The following ZNF711 variants were observed in gnomAD, a reference collection of about 807,000 sequenced individuals.
The protein encoded by ZNF711 is zinc finger protein 711.
Under a neutral mutation model 43.5 loss-of-function variants are expected in ZNF711, and 3 were observed. The ratio of observed to expected loss-of-function variants is 0.07; its 90% CI spans 0.03 to 0.18. ZNF711 has a LOEUF of 0.18. ZNF711 is among the 10% of genes least tolerant of loss of function. The probability of loss-of-function intolerance (pLI) is 1.00; values close to 1 mark genes in which losing one functional copy is unlikely to be tolerated. For missense variants in ZNF711, 412 were observed against 604.0 expected, an observed-to-expected ratio of 0.68 and a Z score of 3.33; for synonymous variants, 209 against 207.7, an observed-to-expected ratio of 1.01 and a Z score of -0.06.
Position 85,270,866 on chromosome X carries a change from G to T in ZNF711, c.1462G>T (p.Val488Phe). The change falls in exon 11 of 11, where the codon GTC (valine) becomes TTC (phenylalanine). Residue 488 changes from valine to phenylalanine, a missense_variant. Coordinates refer to ENST00000674551, the MANE Select transcript of ZNF711 (RefSeq NM_001330574.2). ...AGAAAGCCATAAGCTCATAAACAAA[G>T]TCGACAAAACCCATGAATTTACAGA... ...HLESHKLINK[V>F]DKTHEFTEYT... The T allele has an allele frequency of 8.3e-7, 1 of 1,208,531 alleles. No homozygotes were observed. Among genetic ancestry groups the T allele is most frequent in the Non-Finnish European group, 1.1e-6 (1 of 893,897 alleles).
At chrX:85,267,182 T>C in intron 7 of ZNF711, 96 bp from the exon 8 acceptor site, 2 of 743,474 alleles carry the variant, frequency 2.7e-6, no homozygotes, top group Non-Finnish European at 3.5e-6. Flanking sequence ...TTAACCAAAC[T>C]GAAATTTGAA....
intron 5 of ZNF711, among the ~76,000 whole-genome samples, chrX:85,257,021 A>C (rs1286935771): frequency 1.8e-5 from 2 of 111,464 alleles, no homozygotes; most frequent in Admixed American, 1.9e-4. Flanking sequence ...ACTGATATTA[A>C]AGTAGTGCAA....
chrX:85,264,277 G>A lies in ZNF711; in HGVS notation c.625G>A (p.Asp209Asn). The A allele has an allele frequency of 8.4e-7, 1 of 1,194,057 alleles. No individual in the cohort carries two copies. Among genetic ancestry groups the A allele is most frequent in the South Asian group, 1.8e-5 (1 of 56,188 alleles). The change falls in exon 6 of 11, where the codon GAT (aspartate) becomes AAT (asparagine). Residue 209 changes from aspartate (D) to asparagine (N), a missense_variant and splice_region_variant. Around this residue, in one of 4 missense-constraint regions of ZNF711, gnomAD observed 375 missense variants for 514.2 expected, o/e 0.73. Transcript: ENST00000674551. The part of the protein sequence containing the change: ...TSEDYLMISL[D>N]DVGEKLEHMG... The stretch of plus-strand genomic sequence containing the variant: ...ATAATTTTGTTTATATTTTATAGTG[G>A]ATGATGTTGGAGAAAAATTAGAGCA...
At chrX:85,245,300 ACTTGAGACGTAC>A (rs1928937730) in intron 1 of ZNF711, among the ~76,000 whole-genome samples, 1 of 112,279 alleles carries the variant, frequency 8.9e-6, no homozygotes, top group Admixed American at 9.4e-5. Context: ...AAAGATGTTT[ACTTGAGACGTAC>A]TTGGTGGGTT....
In ZNF711 at chrX:85,271,907, C is replaced by T; in HGVS notation, c.*79C>T. ...AGAAAACTCTCACTAACTGTCTCAC[C>T]GGGTTTCAAAGCTTGATACTAAACC... On this transcript the variant is annotated 3_prime_UTR_variant, in exon 11 of 11. Transcript: ENST00000674551. 7.2e-6 allele frequency: 6 copies of T among 833,112 alleles called. No homozygotes were observed. Among genetic ancestry groups the T allele is most frequent in the Middle Eastern group, 3.4e-4 (1 of 2,916 alleles). 68.7% of individuals were successfully genotyped at this position (833,112 alleles called of 1,213,427 possible).
intron 4 of ZNF711, among the ~76,000 whole-genome samples, chrX:85,253,888 A>G (rs991869962): frequency 9.0e-6 from 1 of 111,573 alleles, no homozygotes; most frequent in Non-Finnish European, 1.9e-5. Context: ...TATACATTAT[A>G]CAGTATCATA....
intron 5 of ZNF711, among the ~76,000 whole-genome samples, chrX:85,259,438 C>T (rs1234614245): frequency 9.0e-6 from 1 of 110,888 alleles, no homozygotes; most frequent in Non-Finnish European, 1.9e-5. Flanking sequence ...GTGAAAATGA[C>T]GTTAGTAGTT....
At chrX:85,268,427 C>T in intron 9 of ZNF711, 86 bp downstream of exon 9, 1 of 1,049,600 alleles carries the variant, frequency 9.5e-7, no homozygotes, top group Non-Finnish European at 1.3e-6. Context: ...TTTGTGTCTA[C>T]AGACACATTT....
At chrX:85,265,370 C>A in intron 7 of ZNF711, 115 bp downstream of exon 7, 1 of 765,069 alleles carries the variant, frequency 1.3e-6, no homozygotes, top group South Asian at 2.4e-5. Flanking sequence ...TAAGCCTGAT[C>A]CTTTGACCCT....
At chrX:85,245,394 A>G (rs1390422659) in intron 1 of ZNF711, among the ~76,000 whole-genome samples, 1 of 112,572 alleles carries the variant, frequency 8.9e-6, no homozygotes, top group Non-Finnish European at 1.9e-5. Context: ...AATGGTTATT[A>G]AATACTTAAC....
At chrX:85,269,291 T>TA (rs201206136) in intron 9 of ZNF711, among the ~76,000 whole-genome samples, 9 of 110,098 alleles carry the variant, frequency 8.2e-5, no homozygotes, top group African/African-American at 9.9e-5. Context: ...CCTTCATTGG[T>TA]AAAAAAAAAT....
In ZNF711 at chrX:85,271,869, T is replaced by G; in HGVS notation, c.*41T>G. Reference sequence around the variant, plus strand: ...GAAAGAAGCTATTTAGGAGATATGATATGCTACTTGGGAGAAAACTCTCAC... The same window carrying G: ...GAAAGAAGCTATTTAGGAGATATGAGATGCTACTTGGGAGAAAACTCTCAC... On this transcript the variant is annotated 3_prime_UTR_variant, in exon 11 of 11. Coordinates refer to ENST00000674551, the MANE Select transcript of ZNF711 (RefSeq NM_001330574.2). 17 of 1,049,537 alleles carry G rather than the reference T, an allele frequency of 1.6e-5. No individual in the cohort carries two copies. Among genetic ancestry groups the G allele is most frequent in the Non-Finnish European group, 2.1e-5 (16 of 752,767 alleles). 86.5% of individuals were successfully genotyped at this position (1,049,537 alleles called of 1,213,427 possible). A position where few individuals can be genotyped will look rare whatever the true frequency, so the allele number is the denominator to read the frequency against.
rs866825395 is a variant in ZNF711 at position 85,272,058 on chromosome X, A to C, written c.*230A>C. ...AGAATGGTTACAGAAAAACTTCTTA[A>C]GTATCTGTGTAATAGTATTATATGC... On this transcript the variant is annotated 3_prime_UTR_variant, in exon 11 of 11. Transcript: ENST00000674551. 3.5e-4 allele frequency: 144 copies of C among 406,625 alleles called. No individual in the cohort carries two copies. Among genetic ancestry groups the C allele is most frequent in the Middle Eastern group, 1.4e-3 (2 of 1,481 alleles). 33.5% of individuals were successfully genotyped at this position (406,625 alleles called of 1,213,427 possible).
intron 6 of ZNF711, 105 bp downstream of exon 6, chrX:85,264,535 C>T (rs925246124): frequency 1.0e-4 from 76 of 747,343 alleles, no homozygotes; most frequent in Non-Finnish European, 1.4e-4. Flanking sequence ...TTTTTTAATA[C>T]GTTTTCTTTG....
chrX:85,263,866 A>G (rs1930878744), intron 5 of ZNF711, among the ~76,000 whole-genome samples: 1 of 110,640 alleles, frequency 9.0e-6, no homozygotes, highest in African/African-American at 3.3e-5. Context: ...CTGTTTTTCC[A>G]TGAACCTTGA....
At chrX:85,253,895 C>A (rs1337494871) in intron 4 of ZNF711, among the ~76,000 whole-genome samples, 1 of 111,209 alleles carries the variant, frequency 9.0e-6, no homozygotes, top group Non-Finnish European at 1.9e-5. Context: ...TATACAGTAT[C>A]ATAACCTTTG....
intron 7 of ZNF711, among the ~76,000 whole-genome samples, chrX:85,266,777 T>TC (rs1027731788): frequency 1.8e-5 from 2 of 109,045 alleles, no homozygotes; most frequent in African/African-American, 3.3e-5. Flanking sequence ...ATATTCTTGA[T>TC]CACTAGCATT....
intron 2 of ZNF711, 24 bp downstream of exon 2, chrX:85,246,046 TTTATC>T (rs1182342634): frequency 8.9e-5 from 10 of 112,396 alleles, no homozygotes; most frequent in Admixed American, 9.4e-5. Context: ...TACTTATTGT[TTTATC>T]TTATTTAACA....
Position 85,255,635 on chromosome X carries a change from C to T in ZNF711, c.456C>T (p.Val152=). The change falls in exon 5 of 11, where the codon GTC becomes GTT. Residue 152 remains valine, a synonymous_variant. Transcript: ENST00000674551. ...TGGTCCAAGATTGTGTTTCAGGAGT[C>T]GACTCTCCCACAATGGTATCAGAGG... ...EHVVQDCVSG[V]DSPTMVSEEV... is the part of the protein sequence containing the mutation. 3 of 1,211,204 alleles carry T rather than the reference C, an allele frequency of 2.5e-6. No homozygotes were observed. Among genetic ancestry groups the T allele is most frequent in the East Asian group, 3.0e-5 (1 of 33,808 alleles).
Sources: allele counts gnomAD v4.1 joint callset (sites outside exome capture counted in the v4.1 genomes callset), GRCh38; gene constraint gnomAD v4.1.1; regional missense constraint gnomAD v4.1.1; transcripts MANE v1.5; gene names NCBI Gene and HGNC (gene_info 2026-07-23, HGNC 2026-07-21).